The following MAP4K3 variants were observed in gnomAD, a reference collection of about 807,000 sequenced individuals.
MAP4K3 encodes mitogen-activated protein kinase kinase kinase kinase 3.
In MAP4K3, 94 loss-of-function variants were observed where a neutral mutation model predicts 143.5. The ratio of observed to expected loss-of-function variants is 0.65; its 90% CI spans 0.55 to 0.78. MAP4K3 has a LOEUF of 0.78. Ranked by LOEUF, MAP4K3 falls within the 30% of genes least tolerant of loss-of-function variation. MAP4K3 has a pLI of 0.00. For synonymous variants in MAP4K3, 416 were observed against 347.2 expected, an observed-to-expected ratio of 1.20 and a Z score of -2.20; for missense variants, 1,077 against 1,068.1, an observed-to-expected ratio of 1.01 and a Z score of -0.12.
At chr2:39,428,896 C>G (rs565002638) in intron 1 of MAP4K3, among the ~76,000 whole-genome samples, 7 of 151,372 alleles carry the variant, frequency 4.6e-5, no homozygotes, top group Admixed American at 3.9e-4. Context: ...GGTGAAATCC[C>G]GTCTCTACTA....
chr2:39,391,334 G>A (rs987501296), intron 1 of MAP4K3, among the ~76,000 whole-genome samples: 3 of 114,824 alleles, frequency 2.6e-5, no homozygotes, highest in African/African-American at 1.0e-4. Context: ...ACTCTGGCCT[G>A]AGCGACAGAG....
intron 2 of MAP4K3, among the ~76,000 whole-genome samples, chr2:39,372,768 T>C (rs1666117951): frequency 6.6e-6 from 1 of 152,100 alleles, no homozygotes; most frequent in Non-Finnish European, 1.5e-5. Context: ...CCCTTCCTCT[T>C]ACCATATACA....
rs552751285 is a variant in MAP4K3 at position 39,350,431 on chromosome 2, C to T, written c.245+5818G>A. Among the ~76,000 whole-genome samples the T allele has an allele frequency of 1.5e-4, 23 of 152,206 alleles. No individual in the cohort carries two copies. The East Asian group carries it at 3.1e-3, about 20-fold the overall frequency. Reference sequence around the variant, plus strand: ...GAACTCTGTACTATTTGCAACTTTTCGTAAATGTAAAATATTCCTAAACTA... The same window carrying T: ...GAACTCTGTACTATTTGCAACTTTTTGTAAATGTAAAATATTCCTAAACTA... On this transcript the variant is annotated intron_variant, in intron 3 of 33. Coordinates refer to ENST00000263881, the MANE Select transcript of MAP4K3 (RefSeq NM_003618.4).
chr2:39,403,614 G>A (rs1667013048), intron 1 of MAP4K3, among the ~76,000 whole-genome samples: 1 of 152,052 alleles, frequency 6.6e-6, no homozygotes, highest in African/African-American at 2.4e-5. Flanking sequence ...CCCACCATGG[G>A]ATGAAGTACT....
intron 1 of MAP4K3, among the ~76,000 whole-genome samples, chr2:39,386,198 G>C (rs1666501192): frequency 6.6e-6 from 1 of 152,176 alleles, no homozygotes; most frequent in African/African-American, 2.4e-5. Flanking sequence ...ACAGTGAAAA[G>C]GCCATGTGAA....
intron 1 of MAP4K3, among the ~76,000 whole-genome samples, chr2:39,422,101 C>T (rs1350537593): frequency 6.6e-6 from 1 of 151,498 alleles, no homozygotes; most frequent in African/African-American, 2.4e-5. Context: ...TGGTACACAG[C>T]TCAGCATGGG....
rs147856845 is a variant in MAP4K3, at chr2:39,390,683, T to G, written c.97-12560A>C. Among the ~76,000 whole-genome samples the G allele has an allele frequency of 1.4e-4, 21 of 152,100 alleles. 1 individual carries two copies. The East Asian group carries it at 3.5e-3, about 25-fold the overall frequency. On this transcript the variant is annotated intron_variant, in intron 1 of 33. Coordinates refer to ENST00000263881, the MANE Select transcript of MAP4K3 (RefSeq NM_003618.4). ...AAATTCATGTACGTATATCATTAAG[T>G]GTCCCCAAATCAGAAACTGGAGATC...
chr2:39,364,014 GAC>G, intron 2 of MAP4K3, among the ~76,000 whole-genome samples: 1 of 127,606 alleles, frequency 7.8e-6, no homozygotes. Flanking sequence ...AAAAAAAGAA[GAC>G]AATAGCAAGT....
chr2:39,259,719 G>C (rs1414757708), intron 29 of MAP4K3, among the ~76,000 whole-genome samples: 3 of 151,990 alleles, frequency 2.0e-5, no homozygotes, highest in African/African-American at 7.2e-5. Flanking sequence ...AAAATGAAAA[G>C]TATTATCAAA....
At chr2:39,388,304 AATATCC>A (rs1405670133) in intron 1 of MAP4K3, among the ~76,000 whole-genome samples, 2 of 152,234 alleles carry the variant, frequency 1.3e-5, no homozygotes, top group African/African-American at 4.8e-5. Context: ...CTAGATATAA[AATATCC>A]TTCCATTACA....
intron 8 of MAP4K3, among the ~76,000 whole-genome samples, chr2:39,327,457 A>C (rs1185227581): frequency 2.0e-5 from 3 of 152,178 alleles, no homozygotes; most frequent in African/African-American, 7.2e-5. Context: ...TGACTGATTT[A>C]AACTATTAAT....
intron 8 of MAP4K3, among the ~76,000 whole-genome samples, chr2:39,331,552 G>C (rs1683681287): frequency 6.6e-6 from 1 of 152,082 alleles, no homozygotes; most frequent in Non-Finnish European, 1.5e-5. Context: ...ATAATGTAAT[G>C]TTGAAAGATT....
intron 29 of MAP4K3, among the ~76,000 whole-genome samples, chr2:39,259,383 G>C (rs1680472611): frequency 6.6e-6 from 1 of 152,060 alleles, no homozygotes; most frequent in Non-Finnish European, 1.5e-5. Context: ...GCTCAAGTCT[G>C]GTAATTGCTG....
chr2:39,294,262 G>A (rs1682177939), intron 16 of MAP4K3: 1 of 152,046 alleles, frequency 6.6e-6, no homozygotes, highest in Non-Finnish European at 1.5e-5. Context: ...AAACTGAAAG[G>A]TATGGTTATC....
intron 4 of MAP4K3, among the ~76,000 whole-genome samples, chr2:39,338,285 A>G (rs1275845118): frequency 2.0e-5 from 3 of 152,350 alleles, no homozygotes; most frequent in Non-Finnish European, 4.4e-5. Context: ...GGCTTTTATT[A>G]AAGCTTTTTA....
At position 39,341,396 on chromosome 2, in the gene MAP4K3, T is replaced by C. The variant is rs531061283; in HGVS notation, c.310+1992A>G. Among the ~76,000 whole-genome samples, 13 of 152,262 alleles carry C rather than the reference T, an allele frequency of 8.5e-5. No homozygotes were observed. The East Asian group carries it at 2.3e-3, about 27-fold the overall frequency. ...TCAGGAGGCCGGGCGTGGTAGCTCA[T>C]GCCTGTAATCCTAGCACTTTGGGAA... On this transcript the variant is annotated intron_variant, in intron 4 of 33. Transcript: ENST00000263881.
chr2:39,263,834 C>T (rs1052000151), intron 28 of MAP4K3, among the ~76,000 whole-genome samples: 7 of 152,138 alleles, frequency 4.6e-5, no homozygotes, highest in South Asian at 2.1e-4. Flanking sequence ...AATTTTTAAG[C>T]GTCCTATGTC....
chr2:39,319,904 T>C (rs1163842216), intron 12 of MAP4K3, among the ~76,000 whole-genome samples: 1 of 152,214 alleles, frequency 6.6e-6, no homozygotes, highest in Non-Finnish European at 1.5e-5. Flanking sequence ...CATTTAGATA[T>C]GGGGGATGGC....
intron 15 of MAP4K3, among the ~76,000 whole-genome samples, chr2:39,301,860 T>C (rs969199028): frequency 1.3e-5 from 2 of 151,932 alleles, no homozygotes; most frequent in African/African-American, 4.8e-5. Flanking sequence ...CTGTCTCTAC[T>C]AAAAATACAA....
Sources: allele counts gnomAD v4.1 joint callset (sites outside exome capture counted in the v4.1 genomes callset), GRCh38; gene constraint gnomAD v4.1.1; transcripts MANE v1.5; gene names NCBI Gene and HGNC (gene_info 2026-07-23, HGNC 2026-07-21).